Variants in PITPNA observed in about 807,000 individuals in gnomAD.
PITPNA encodes the protein phosphatidylinositol transfer protein alpha isoform.
A neutral mutation model predicts 50.3 loss-of-function variants in PITPNA; 13 were observed. The ratio of observed to expected loss-of-function variants is 0.26; its 90% CI spans 0.17 to 0.41. PITPNA has a LOEUF of 0.41. Ranked by LOEUF, PITPNA falls within the 10% of genes least tolerant of loss-of-function variation. The pLI is 1.00. For synonymous variants in PITPNA, 120 were observed against 119.6 expected (o/e 1.00, Z -0.02); for missense variants, 207 against 333.4 (o/e 0.62, Z 2.95).
At chr17:1,544,274 A>T (rs1254903434) in intron 4 of PITPNA, among the ~76,000 whole-genome samples, 3 of 152,252 alleles carry the variant, frequency 2.0e-5, no homozygotes, top group Non-Finnish European at 4.4e-5. Flanking sequence ...CAAGAAAAGA[A>T]TGCCCTGATC....
At chr17:1,544,017 G>C (rs2075660982) in intron 4 of PITPNA, among the ~76,000 whole-genome samples, 1 of 152,232 alleles carries the variant, frequency 6.6e-6, no homozygotes, top group Admixed American at 6.5e-5. Context: ...TGGCATCTCT[G>C]GCAGCGCCAT....
chr17:1,551,034 G>A (rs2075705841), intron 3 of PITPNA, among the ~76,000 whole-genome samples: 1 of 149,092 alleles, frequency 6.7e-6, no homozygotes. Flanking sequence ...GGGACCTGAT[G>A]GGACACGAAG....
At chr17:1,523,833 G>GGT (rs1039728060) in intron 10 of PITPNA, among the ~76,000 whole-genome samples, 9 of 150,538 alleles carry the variant, frequency 6.0e-5, no homozygotes, top group African/African-American at 2.2e-4. Flanking sequence ...TTATTTTTTC[G>GGT]GTGTGTGTGG....
At chr17:1,545,501 G>A (rs2075668530) in intron 4 of PITPNA, among the ~76,000 whole-genome samples, 1 of 152,198 alleles carries the variant, frequency 6.6e-6, no homozygotes, top group Admixed American at 6.5e-5. Flanking sequence ...TCCATTCTGT[G>A]TGAAGGTGTA....
chr17:1,527,021 G>C (rs917600991), intron 10 of PITPNA, among the ~76,000 whole-genome samples: 1 of 151,948 alleles, frequency 6.6e-6, no homozygotes, highest in African/African-American at 2.4e-5. Flanking sequence ...GCCTCCCAAA[G>C]TGCTGGGATT....
intron 1 of PITPNA, among the ~76,000 whole-genome samples, 200 bp from the exon 2 acceptor site, chr17:1,558,759 CTG>C (rs1453036995): frequency 8.3e-6 from 1 of 121,016 alleles, no homozygotes; most frequent in Non-Finnish European, 1.7e-5. Context: ...ACACTAAACT[CTG>C]TGACAACACC....
intron 7 of PITPNA, among the ~76,000 whole-genome samples, chr17:1,537,509 T>C (rs567630501): frequency 5.9e-5 from 9 of 152,306 alleles, no homozygotes; most frequent in Non-Finnish European, 1.0e-4. Context: ...TCTGAGGAGA[T>C]TATATTTATG....
chr17:1,526,325 T>C (rs57939261), intron 10 of PITPNA, among the ~76,000 whole-genome samples: 22,711 of 152,006 alleles, frequency 0.15, 1,985 homozygotes, highest in African/African-American at 0.23. Flanking sequence ...AACTGAGGAG[T>C]GGCACCAGAT....
chr17:1,524,256 G>C (rs955867265), intron 10 of PITPNA, among the ~76,000 whole-genome samples: 1 of 149,354 alleles, frequency 6.7e-6, no homozygotes, highest in Non-Finnish European at 1.5e-5. Flanking sequence ...ATGTTAGCCA[G>C]GATGGTCTCC....
chr17:1,524,096 G>A (rs2075531537), intron 10 of PITPNA, among the ~76,000 whole-genome samples: 1 of 139,320 alleles, frequency 7.2e-6, no homozygotes, highest in Non-Finnish European at 1.5e-5. Flanking sequence ...CCAGGCTGGT[G>A]TGCAGTGGCA....
intron 6 of PITPNA, among the ~76,000 whole-genome samples, chr17:1,540,499 C>G (rs1158225771): frequency 2.0e-5 from 3 of 152,132 alleles, no homozygotes; most frequent in African/African-American, 7.2e-5. Flanking sequence ...TTGAAGACTG[C>G]TCTCTATTGG....
At position 1,539,218 on chromosome 17, in the gene PITPNA, G is replaced by A. The variant is rs141214935; in HGVS notation, c.373-266C>T. ...ACACTCTAGCATGAACTCCTGGGCC[G>A]GAGTGATCCTCCTGCCTCAGGCTCC... On this transcript the variant is annotated intron_variant, in intron 6 of 11. Transcript: ENST00000313486. Among the ~76,000 whole-genome samples, 34 of 151,676 alleles carry A rather than the reference G, an allele frequency of 2.2e-4. No homozygotes were observed. The East Asian group carries it at 5.8e-3, about 26-fold the overall frequency.
At chr17:1,526,174 G>C (rs528125713) in intron 10 of PITPNA, among the ~76,000 whole-genome samples, 4 of 152,360 alleles carry the variant, frequency 2.6e-5, no homozygotes, top group African/African-American at 9.6e-5. Flanking sequence ...AAAAAGAACA[G>C]AGTCTGTGAC....
intron 1 of PITPNA, among the ~76,000 whole-genome samples, chr17:1,560,444 A>ACGAGT (rs2075762508): frequency 6.6e-6 from 1 of 152,136 alleles, no homozygotes; most frequent in Non-Finnish European, 1.5e-5. Context: ...CACACGGGGC[A>ACGAGT]CGAGTCGGGC....
chr17:1,559,103 C>A (rs1445277944), intron 1 of PITPNA, among the ~76,000 whole-genome samples: 2 of 152,096 alleles, frequency 1.3e-5, no homozygotes, highest in Non-Finnish European at 2.9e-5. Flanking sequence ...CCAACAACAG[C>A]CCTCCAGGGG....
rs993706951 is a variant in PITPNA, at chr17:1,519,359, C to T, written c.*1202G>A. 2 of 152,244 alleles carry T rather than the reference C, an allele frequency of 1.3e-5. No individual in the cohort carries two copies. Among genetic ancestry groups the T allele is most frequent in the Non-Finnish European group, 2.9e-5 (2 of 68,064 alleles). The allele number at this position is 152,244 out of a possible 1,614,324, so 9.4% of individuals were successfully genotyped here. Reference sequence around the variant, plus strand: ...CTGTCAAGTTGCAGGAAGCTATGAACACTGGGCAGCGTCTGTTCCCCTGGA... The same window carrying T: ...CTGTCAAGTTGCAGGAAGCTATGAATACTGGGCAGCGTCTGTTCCCCTGGA... On this transcript the variant is annotated 3_prime_UTR_variant, in exon 12 of 12. Transcript: ENST00000313486.
At chr17:1,539,806 G>A (rs747888234) in intron 6 of PITPNA, among the ~76,000 whole-genome samples, 7 of 152,316 alleles carry the variant, frequency 4.6e-5, no homozygotes, top group Middle Eastern at 3.4e-3. Context: ...GCGCGATCTC[G>A]GCTCACTGCA....
intron 4 of PITPNA, 26 bp from the exon 5 acceptor site, chr17:1,543,053 G>A (rs1271164931): frequency 6.4e-7 from 1 of 1,566,796 alleles, no homozygotes; most frequent in Non-Finnish European, 8.6e-7. Flanking sequence ...GACATGGAAA[G>A]AAGAGAGAAA....
chr17:1,522,275 G>C (rs184672085), intron 10 of PITPNA, among the ~76,000 whole-genome samples: 1 of 149,870 alleles, frequency 6.7e-6, no homozygotes, highest in African/African-American at 2.5e-5. Context: ...GTTTCACCTT[G>C]TTAGCCAGGA....
Sources: allele counts gnomAD v4.1 joint callset (sites outside exome capture counted in the v4.1 genomes callset), GRCh38; gene constraint gnomAD v4.1.1; transcripts MANE v1.5; gene names NCBI Gene and HGNC (gene_info 2026-07-23, HGNC 2026-07-21).